PIK3R2: variants seen among roughly 807,000 people sequenced by gnomAD.
PIK3R2 encodes the protein phosphoinositide-3-kinase regulatory subunit 2.
Under a neutral mutation model 78.5 loss-of-function variants are expected in PIK3R2, and 40 were observed. The ratio of observed to expected loss-of-function variants is 0.51; its 90% confidence interval spans 0.40 to 0.66. The LOEUF is 0.66. PIK3R2 is among the 30% of genes least tolerant of loss of function. PIK3R2 has a pLI of 0.00. For synonymous variants in PIK3R2, 473 were observed against 457.7 expected, an observed-to-expected ratio of 1.03 and a Z score of -0.43; for missense variants, 880 against 1,026.6, an observed-to-expected ratio of 0.86 and a Z score of 1.95.
rs2043671016 is a variant in PIK3R2, at chr19:18,155,821, G to A, written c.-59G>A. 5 of 1,447,830 alleles carry A rather than the reference G, an allele frequency of 3.5e-6. No homozygotes were observed. The highest frequency in any genetic ancestry group is 1.4e-5 in the African/African-American group (1 of 68,982). The allele number at this position is 1,447,830 out of a possible 1,614,324, so 89.7% of individuals were successfully genotyped here. ...CTCCCAGCCCTGCTTCAACCAATGG[G>A]GCCAGTGGGGCTCCAAGCAGCCACC... On this transcript the variant is annotated 5_prime_UTR_variant, in exon 2 of 16. Transcript: ENST00000222254.
chr19:18,168,383 C>A lies in PIK3R2; in HGVS notation c.1737-92C>A. The A allele has an allele frequency of 1.4e-6, 1 of 719,470 alleles. No homozygotes were observed. The highest frequency in any genetic ancestry group is 2.6e-6 in the Non-Finnish European group (1 of 386,872). 44.6% of individuals were successfully genotyped at this position (719,470 alleles called of 1,614,324 possible). A position where few individuals can be genotyped will look rare whatever the true frequency, so the allele number is the denominator to read the frequency against. On this transcript the variant is annotated intron_variant, in intron 13 of 15. Coordinates refer to ENST00000222254, the MANE Select transcript of PIK3R2 (RefSeq NM_005027.4). The surrounding 1 kb of genome is among the most constrained non-coding windows in gnomAD (Gnocchi z 4.1). ...AGATATTGTACCCAGAACCCTCTCT[C>A]CTCAGCCAGACCCTGCCTCCCACCG...
chr19:18,153,456 G>A (rs899099475), intron 1 of PIK3R2, among the ~76,000 whole-genome samples, 162 bp downstream of exon 1: 1 of 152,204 alleles, frequency 6.6e-6, no homozygotes, highest in African/African-American at 2.4e-5. Context: ...GGGGCCTCGG[G>A]CTCGGCTCCG....
chr19:18,153,481 C>T (rs567528871), intron 1 of PIK3R2, among the ~76,000 whole-genome samples, 187 bp downstream of exon 1: 2 of 152,316 alleles, frequency 1.3e-5, no homozygotes, highest in East Asian at 3.9e-4. Context: ...GGTGCAGCCT[C>T]CTTGGGACGG....
intron 9 of PIK3R2, 128 bp from the exon 10 acceptor site, chr19:18,162,839 G>A (rs901865152): frequency 1.5e-4 from 126 of 823,704 alleles, no homozygotes; most frequent in African/African-American, 1.1e-3. Context: ...GCAGTGAGCC[G>A]AAATCGCACC....
In PIK3R2 at chr19:18,161,354, TG is replaced by T; in HGVS notation, c.675del (p.Leu226SerfsTer115). On this transcript the variant is annotated frameshift_variant, in exon 6 of 16. Coordinates refer to ENST00000222254, the MANE Select transcript of PIK3R2 (RefSeq NM_005027.4). LOFTEE classifies it high-confidence loss of function. The surrounding 1 kb of genome is among the most constrained non-coding windows in gnomAD (Gnocchi z 5.3). ...CACCGCGCGCTCACGCTGCGCTTCC[TG>T]CTCCAGCACCTGGGCCGCGTGGCCA... is the stretch of plus-strand genomic sequence containing the variant. ...PLHRALTLRF[L>X]LQHLGRVASR... 1 of 1,319,422 alleles carries T rather than the reference TG, an allele frequency of 7.6e-7. No individual in the cohort carries two copies. Among genetic ancestry groups the T allele is most frequent in the Non-Finnish European group, 9.6e-7 (1 of 1,037,826 alleles). The allele number at this position is 1,319,422 out of a possible 1,614,324, so 81.7% of individuals were successfully genotyped here.
chr19:18,165,538 A>G (rs534040477), intron 11 of PIK3R2, among the ~76,000 whole-genome samples: 2 of 151,754 alleles, frequency 1.3e-5, no homozygotes, highest in African/African-American at 4.9e-5. Flanking sequence ...ATCTCAAACA[A>G]AAAAAATTTT....
intron 11 of PIK3R2, among the ~76,000 whole-genome samples, chr19:18,164,476 T>TC (rs2043786110): frequency 6.6e-6 from 1 of 152,096 alleles, no homozygotes; most frequent in African/African-American, 2.4e-5. Flanking sequence ...ACTTTGTCTC[T>TC]TAAAAAAATA....
At chr19:18,154,722 G>T (rs781475711) in intron 1 of PIK3R2, among the ~76,000 whole-genome samples, 1 of 151,994 alleles carries the variant, frequency 6.6e-6, no homozygotes, top group Non-Finnish European at 1.5e-5. Flanking sequence ...CCTACTGCAC[G>T]GCCCTAGATA....
At chr19:18,165,977 T>TG (rs1012024279) in intron 11 of PIK3R2, 183 bp from the exon 12 acceptor site, 4 of 762,196 alleles carry the variant, frequency 5.2e-6, no homozygotes, top group African/African-American at 1.7e-5. Flanking sequence ...GAAGAGGGTT[T>TG]GGGGGGTGGG....
Position 18,168,961 on chromosome 19 carries a change from C to T in PIK3R2, c.1979+65C>T, listed in dbSNP as rs373998139. The T allele has an allele frequency of 2.2e-5, 34 of 1,565,238 alleles. No individual in the cohort carries two copies. In the African/African-American group the frequency reaches 2.4e-4, roughly 11 times the overall value. On this transcript the variant is annotated intron_variant, in intron 15 of 15. Transcript: ENST00000222254. This position sits in a 1 kb window ranked among gnomAD's most constrained non-coding sequence, Gnocchi z 4.1. ...CAGAGCTCTCATTGAATGCCTGCCG[C>T]GTGCCAGGCCTTGGGAAGGAGTCCC...
Position 18,156,223 on chromosome 19 carries a change from T to C in PIK3R2, c.322+22T>C. On this transcript the variant is annotated intron_variant, in intron 2 of 15. Transcript: ENST00000222254. The surrounding 1 kb of genome is among the most constrained non-coding windows in gnomAD (Gnocchi z 4.2). Reference sequence around the variant, plus strand: ...CCAGGTGAGCAGCAAGCAGGGGCCCTGGAAAGGGGGGTGGTCCCCTCAGAC... The same window carrying C: ...CCAGGTGAGCAGCAAGCAGGGGCCCCGGAAAGGGGGGTGGTCCCCTCAGAC... 1 of 1,457,878 alleles carries C rather than the reference T, an allele frequency of 6.9e-7. No homozygotes were observed. Among genetic ancestry groups the C allele is most frequent in the African/African-American group, 1.5e-5 (1 of 67,192 alleles). 90.3% of individuals were successfully genotyped at this position (1,457,878 alleles called of 1,614,324 possible). A position where few individuals can be genotyped will look rare whatever the true frequency, so the allele number is the denominator to read the frequency against.
At chr19:18,160,817 G>A in intron 3 of PIK3R2, 102 bp from the exon 4 acceptor site, 1 of 1,366,006 alleles carries the variant, frequency 7.3e-7, no homozygotes, top group Admixed American at 2.0e-5. Context: ...CCTTATCTCT[G>A]GGCAGCAAAG....
chr19:18,162,961 C>T lies in PIK3R2; in HGVS notation c.1110-6C>T, dbSNP rs2147952766. The T allele has an allele frequency of 6.2e-7, 1 of 1,612,502 alleles. No individual in the cohort carries two copies. Among genetic ancestry groups the T allele is most frequent in the Non-Finnish European group, 8.5e-7 (1 of 1,179,006 alleles). ...ACTGGGTGCCGACACCCCTCTCCTCCCCCAGGAAAGGCGGGAACAATAAGC... is the reference window on the plus strand; with the variant it reads ...ACTGGGTGCCGACACCCCTCTCCTCTCCCAGGAAAGGCGGGAACAATAAGC... On this transcript the variant is annotated splice_region_variant and splice_polypyrimidine_tract_variant and intron_variant, in intron 9 of 15. Transcript: ENST00000222254.
Position 18,163,274 on chromosome 19 carries a change from C to T in PIK3R2, c.1302C>T (p.Val434=), listed in dbSNP as rs2043771834. ...PVSKYQQDQI[V]KEDSVEAVGA... ...CCACGTATCTCCAGGACCAGATTGT[C>T]AAGGAGGACAGCGTGGAGGCAGTGG... Residue 434 remains valine, a synonymous_variant, in exon 11 of 16, where the codon GTC becomes GTT. Transcript: ENST00000222254. 5.0e-6 allele frequency: 8 copies of T among 1,613,958 alleles called. No homozygotes were observed. The highest frequency in any genetic ancestry group is 6.8e-6 in the Non-Finnish European group (8 of 1,180,018).
rs2043752020 is a variant in PIK3R2, at chr19:18,161,914, C to T, written c.816-52C>T. 2 of 1,451,876 alleles carry T rather than the reference C, an allele frequency of 1.4e-6. No homozygotes were observed. Among genetic ancestry groups the T allele is most frequent in the African/African-American group, 1.4e-5 (1 of 71,754 alleles). The allele number at this position is 1,451,876 out of a possible 1,614,324, so 89.9% of individuals were successfully genotyped here. ...GCGCACGCACAATCCTGTGCACATG[C>T]GTGGGCGGACAGGCCCTACCCAGCC... On this transcript the variant is annotated intron_variant, in intron 6 of 15. Transcript: ENST00000222254. This position sits in a 1 kb window ranked among gnomAD's most constrained non-coding sequence, Gnocchi z 5.3.
intron 2 of PIK3R2, among the ~76,000 whole-genome samples, chr19:18,159,937 G>A (rs1037135640): frequency 2.6e-5 from 4 of 151,982 alleles, no homozygotes; most frequent in Non-Finnish European, 4.4e-5. Context: ...AGACAGGTTC[G>A]CCATGTTGGT....
At position 18,169,770 on chromosome 19, in the gene PIK3R2, G is replaced by A; in HGVS notation, c.*476G>A. 4.9e-6 allele frequency: 1 copy of A among 203,954 alleles called. No homozygotes were observed. Among genetic ancestry groups the A allele is most frequent in the Non-Finnish European group, 1.0e-5 (1 of 99,144 alleles). 12.6% of individuals were successfully genotyped at this position (203,954 alleles called of 1,614,324 possible). On this transcript the variant is annotated 3_prime_UTR_variant, in exon 16 of 16. Transcript: ENST00000222254. ...GAAGGAACTTCACTCTGCTGCTTCC[G>A]AGAACCTCGGCCGTGACATTCGGGG... is the stretch of plus-strand genomic sequence containing the variant.
In PIK3R2 at chr19:18,163,096, C is replaced by T; in HGVS notation, c.1239C>T (p.Tyr413=). The T allele has an allele frequency of 6.2e-7, 1 of 1,613,938 alleles. No individual in the cohort carries two copies. Residue 413 remains tyrosine, a synonymous_variant, in exon 10 of 16, where the codon TAC becomes TAT. Coordinates refer to ENST00000222254, the MANE Select transcript of PIK3R2 (RefSeq NM_005027.4). ...NHYRHESLAQ[Y]NAKLDTRLLY... is the part of the protein sequence containing the mutation. ...ACCGCCACGAGTCTCTGGCCCAGTA[C>T]AATGCCAAGCTGGACACACGGCTCC... is the stretch of plus-strand genomic sequence containing the variant.
chr19:18,160,906 C>T lies in PIK3R2; in HGVS notation c.416-13C>T, dbSNP rs1438491815. On this transcript the variant is annotated splice_polypyrimidine_tract_variant and intron_variant, in intron 3 of 15. Transcript: ENST00000222254. ...CATTTGAGAGCTGACTCGCCTGTCC[C>T]CTTCACCCCCAGGGCTGGACAGCGA... is the stretch of plus-strand genomic sequence containing the variant. The T allele has an allele frequency of 3.7e-6, 6 of 1,602,922 alleles. No homozygotes were observed. The highest frequency in any genetic ancestry group is 1.7e-4 in the Middle Eastern group (1 of 5,754).
Sources: allele counts gnomAD v4.1 joint callset (sites outside exome capture counted in the v4.1 genomes callset), GRCh38; gene constraint gnomAD v4.1.1; non-coding constraint Gnocchi (gnomAD v3.1); transcripts MANE v1.5; gene names NCBI Gene and HGNC (gene_info 2026-07-23, HGNC 2026-07-21).